The following PCDHGA3 variants were observed in gnomAD, a reference collection of about 807,000 sequenced individuals.
PCDHGA3 encodes the protein protocadherin gamma-A3.
In PCDHGA3, 40 loss-of-function variants were observed where a neutral mutation model predicts 58.5. The observed-to-expected ratio is 0.68, with a 90% CI of 0.53 to 0.89. The LOEUF (loss-of-function observed/expected upper bound fraction) is 0.89, where lower values mean the gene tolerates loss of function less well. PCDHGA3 is among the 40% of genes least tolerant of loss of function. The pLI, the probability that PCDHGA3 is intolerant of heterozygous loss-of-function variation, is 0.00. For synonymous variants in PCDHGA3, 530 were observed against 525.7 expected, an observed-to-expected ratio of 1.01 and a Z score of -0.11; for missense variants, 1,223 against 1,195.9, an observed-to-expected ratio of 1.02 and a Z score of -0.33.
At chr5:141,420,699 C>T (rs2096518531) in intron 1 of PCDHGA3, among the ~76,000 whole-genome samples, 1 of 152,236 alleles carries the variant, frequency 6.6e-6, no homozygotes, top group African/African-American at 2.4e-5. Context: ...ATTATTTCCA[C>T]TTCCAGAAAT....
At chr5:141,457,631 G>C (rs540600166) in intron 1 of PCDHGA3, among the ~76,000 whole-genome samples, 1 of 152,282 alleles carries the variant, frequency 6.6e-6, no homozygotes, top group African/African-American at 2.4e-5. Flanking sequence ...TCTTATACTT[G>C]GCCTGATTAT....
At chr5:141,371,995 C>T in intron 1 of PCDHGA3, 2 of 1,613,264 alleles carry the variant, frequency 1.2e-6, no homozygotes, top group Non-Finnish European at 1.7e-6. Context: ...ACTCTGCAGG[C>T]CCGCGACCAG....
chr5:141,385,198 C>A, intron 1 of PCDHGA3: 1 of 1,614,224 alleles, frequency 6.2e-7, no homozygotes, highest in Non-Finnish European at 8.5e-7. Flanking sequence ...TCGGAAGAGT[C>A]ACCTGATCTT....
At chr5:141,415,702 GC>G (rs754496290) in intron 1 of PCDHGA3, 1 of 1,403,056 alleles carries the variant, frequency 7.1e-7, no homozygotes, top group South Asian at 1.3e-5. Context: ...AAGTGTAAAT[GC>G]TAAAACACTG....
Position 141,485,996 on chromosome 5 carries a change from G to A in PCDHGA3, c.2425-8811G>A, listed in dbSNP as rs114142606. On this transcript the variant is annotated intron_variant, in intron 1 of 3. Coordinates refer to ENST00000253812, the MANE Select transcript of PCDHGA3 (RefSeq NM_018916.4). The surrounding 1 kb of genome is among the most constrained non-coding windows in gnomAD (Gnocchi z 5.7). ...CTCAGACCCGGACCTGGGTCCCAGT[G>A]GTAACGTCACCTTTTATTTCAGTGG... The A allele has an allele frequency of 1.6e-4, 256 of 1,614,178 alleles. 1 individual carries two copies. Among genetic ancestry groups the A allele is most frequent in the Middle Eastern group, 1.5e-3 (9 of 6,062 alleles).
rs746242389 is a variant in PCDHGA3 at position 141,491,254 on chromosome 5, G to C, written c.2425-3553G>C. 3 of 1,614,080 alleles carry C rather than the reference G, an allele frequency of 1.9e-6. No individual in the cohort carries two copies. In the African/African-American group the frequency reaches 4.0e-5, roughly 22 times the overall value. On this transcript the variant is annotated intron_variant, in intron 1 of 3. Transcript: ENST00000253812. This position sits in a 1 kb window ranked among gnomAD's most constrained non-coding sequence, Gnocchi z 6.9. ...GCTGGTTCTGGAGGATGAGGACCCT[G>C]AGGAAATGCCCAAATCCAGTGACTT...
chr5:141,359,491 C>T (rs553300282), intron 1 of PCDHGA3, among the ~76,000 whole-genome samples: 25 of 150,570 alleles, frequency 1.7e-4, no homozygotes, highest in African/African-American at 5.4e-4. Context: ...ATTCATATTA[C>T]GGACTACTAG....
rs375569568 is a variant in PCDHGA3, at chr5:141,357,473, C to T, written c.2424+11016C>T. 69 of 1,614,098 alleles carry T rather than the reference C, an allele frequency of 4.3e-5. No individual in the cohort carries two copies. The highest frequency in any genetic ancestry group is 5.3e-5 in the Non-Finnish European group (63 of 1,180,050). The stretch of plus-strand genomic sequence containing the variant: ...CTGCAGACCTATTCCCACGAGGTCT[C>T]CCTCACCGCGGACTCGCGGAAGAGT... On this transcript the variant is annotated intron_variant, in intron 1 of 3. Transcript: ENST00000253812.
chr5:141,398,866 T>C, intron 1 of PCDHGA3: 1 of 1,613,962 alleles, frequency 6.2e-7, no homozygotes, highest in Non-Finnish European at 8.5e-7. Flanking sequence ...CCGAGACGTG[T>C]ACAGAGTCAG....
At chr5:141,359,554 T>C (rs1206775223) in intron 1 of PCDHGA3, among the ~76,000 whole-genome samples, 1 of 151,518 alleles carries the variant, frequency 6.6e-6, no homozygotes, top group Non-Finnish European at 1.5e-5. Flanking sequence ...AGGAAAGCTC[T>C]CTATGTACTG....
At chr5:141,354,628 A>G (rs1014286107) in intron 1 of PCDHGA3, among the ~76,000 whole-genome samples, 4 of 152,218 alleles carry the variant, frequency 2.6e-5, no homozygotes, top group Non-Finnish European at 4.4e-5. Flanking sequence ...CTTTTCACTT[A>G]TCTGTCTCAT....
Position 141,486,314 on chromosome 5 carries a change from T to C in PCDHGA3, c.2425-8493T>C, listed in dbSNP as rs775833520. The C allele has an allele frequency of 4.5e-5, 72 of 1,613,758 alleles. No homozygotes were observed. The highest frequency in any genetic ancestry group is 5.9e-5 in the Non-Finnish European group (70 of 1,179,984). On this transcript the variant is annotated intron_variant, in intron 1 of 3. Transcript: ENST00000253812. This position sits in a 1 kb window ranked among gnomAD's most constrained non-coding sequence, Gnocchi z 5.0. ...CAGTGTGCAGGATCCAGACTCAGGG[T>C]CAAACGGAGATGTGAGCCTCCGCAT...
chr5:141,389,085 A>T (rs2091598298), intron 1 of PCDHGA3: 6 of 1,614,054 alleles, frequency 3.7e-6, no homozygotes, highest in Non-Finnish European at 5.1e-6. Context: ...AAACACGTAT[A>T]AATTAGTGAC....
At chr5:141,410,583 G>A (rs1257322419) in intron 1 of PCDHGA3, 1 of 1,610,052 alleles carries the variant, frequency 6.2e-7, no homozygotes, top group African/African-American at 1.3e-5. Context: ...CCTCATGGTG[G>A]GGAGGATTTG....
chr5:141,362,404 G>A, intron 1 of PCDHGA3: 1 of 1,614,000 alleles, frequency 6.2e-7, no homozygotes. Context: ...CCTGTGTGTT[G>A]CCTCACAATC....
rs375363587 is a variant in PCDHGA3 at position 141,414,524 on chromosome 5, A to G, written c.2424+68067A>G. On this transcript the variant is annotated intron_variant, in intron 1 of 3. Coordinates refer to ENST00000253812, the MANE Select transcript of PCDHGA3 (RefSeq NM_018916.4). ...TTTATGCTACAAGTGGCAGATATCA[A>G]TGACAACCCACCTACCTTCTCTCAA... 105 of 1,613,844 alleles carry G rather than the reference A, an allele frequency of 6.5e-5. 1 individual carries two copies. In the South Asian group the frequency reaches 7.2e-4, roughly 11 times the overall value.
At chr5:141,467,280 T>G (rs1021597111) in intron 1 of PCDHGA3, among the ~76,000 whole-genome samples, 58 of 152,272 alleles carry the variant, frequency 3.8e-4, no homozygotes, top group Admixed American at 2.6e-4. Flanking sequence ...CTCGAACTCT[T>G]GACCTCAAGT....
intron 1 of PCDHGA3, among the ~76,000 whole-genome samples, chr5:141,443,756 A>G (rs1234457212): frequency 6.6e-6 from 1 of 152,232 alleles, no homozygotes; most frequent in Non-Finnish European, 1.5e-5. Flanking sequence ...TTGGAAGCTT[A>G]CAATATACAA....
intron 1 of PCDHGA3, among the ~76,000 whole-genome samples, chr5:141,446,182 G>A (rs1411996595): frequency 6.6e-6 from 1 of 152,118 alleles, no homozygotes; most frequent in African/African-American, 2.4e-5. Flanking sequence ...GGGGTGTTTT[G>A]TTTATTATTA....
Sources: allele counts gnomAD v4.1 joint callset (sites outside exome capture counted in the v4.1 genomes callset), GRCh38; gene constraint gnomAD v4.1.1; non-coding constraint Gnocchi (gnomAD v3.1); transcripts MANE v1.5; gene names NCBI Gene and HGNC (gene_info 2026-07-23, HGNC 2026-07-21).